FNBP1: variants seen among roughly 807,000 people sequenced by gnomAD.
FNBP1 encodes formin-binding protein 1.
In FNBP1, 26 loss-of-function variants were observed where a neutral mutation model predicts 90.6. That is an observed-to-expected ratio of 0.29 (90% confidence interval 0.21 to 0.40). The LOEUF (loss-of-function observed/expected upper bound fraction) is 0.40, where lower values mean the gene tolerates loss of function less well. Ranked by LOEUF, FNBP1 falls within the 10% of genes least tolerant of loss-of-function variation. The pLI is 1.00. For missense variants in FNBP1, 635 were observed against 768.0 expected (o/e 0.83, Z 2.05); for synonymous variants, 260 against 265.2 (o/e 0.98, Z 0.19).
intron 1 of FNBP1, among the ~76,000 whole-genome samples, chr9:130,020,578 T>G (rs145773830): frequency 2.7e-3 from 407 of 152,238 alleles, no homozygotes; most frequent in African/African-American, 9.4e-3. Context: ...TACCATAACT[T>G]TAAAGCCACT....
chr9:129,996,494 C>A (rs921931568), intron 1 of FNBP1, among the ~76,000 whole-genome samples: 1 of 152,144 alleles, frequency 6.6e-6, no homozygotes, highest in Non-Finnish European at 1.5e-5. Context: ...TTCACAGAGA[C>A]AGGCCCCCAA....
rs143338278 is a variant in FNBP1 at position 129,960,003 on chromosome 9, T to C, written c.346-1450A>G. ...CATTGTCACATGTATCAGTACTCCA[T>C]TCTTTTTTATTGCCAAATGATTATT... On this transcript the variant is annotated intron_variant, in intron 4 of 16. Transcript: ENST00000446176. Among the ~76,000 whole-genome samples the C allele has an allele frequency of 3.2e-3, 487 of 152,286 alleles. 4 individuals carry two copies. The highest frequency in any genetic ancestry group is 0.011 in the African/African-American group (476 of 41,520).
At chr9:130,046,604 A>AC (rs2060061584), upstream of FNBP1, among the ~76,000 whole-genome samples, 4 of 113,336 alleles carry the variant, frequency 3.5e-5, no homozygotes, top group African/African-American at 9.5e-5. Flanking sequence ...AAAAAAAAAA[A>AC]CACCAAAAAA....
chr9:129,888,973 TC>T lies in FNBP1; in HGVS notation c.*1565del. On this transcript the variant is annotated 3_prime_UTR_variant, in exon 17 of 17. Coordinates refer to ENST00000446176, the MANE Select transcript of FNBP1 (RefSeq NM_015033.3). The stretch of plus-strand genomic sequence containing the variant: ...CAAAGAATAAAGCTGCCCGACGTCA[TC>T]CCCAGGCTTCCGTGGCGCTCTCGGT... 1 of 184,870 alleles carries T rather than the reference TC, an allele frequency of 5.4e-6. No individual in the cohort carries two copies. The allele number at this position is 184,870 out of a possible 1,614,324, so 11.5% of individuals were successfully genotyped here. A position where few individuals can be genotyped will look rare whatever the true frequency, so the allele number is the denominator to read the frequency against.
At chr9:129,892,538 A>G (rs10988538) in intron 16 of FNBP1, among the ~76,000 whole-genome samples, 1,693 of 152,332 alleles carry the variant, frequency 0.011, 18 homozygotes, top group Non-Finnish European at 0.017. Flanking sequence ...CAAGTTGGAC[A>G]GAGTTATAAA....
chr9:130,025,614 C>T (rs1589342295), intron 1 of FNBP1, among the ~76,000 whole-genome samples: 1 of 152,172 alleles, frequency 6.6e-6, no homozygotes, highest in East Asian at 1.9e-4. Context: ...CATTCAGTCT[C>T]GACATGGAAT....
Position 129,890,527 on chromosome 9 carries a change from A to G in FNBP1, c.*12T>C, listed in dbSNP as rs773264134. On this transcript the variant is annotated 3_prime_UTR_variant, in exon 17 of 17. Coordinates refer to ENST00000446176, the MANE Select transcript of FNBP1 (RefSeq NM_015033.3). This position sits in a 1 kb window ranked among gnomAD's most constrained non-coding sequence, Gnocchi z 5.8. ...CCAGGAAGGCTCACCCGAGGCTCGCAGGCACTCCCCTCTAGGAATCTACAA... is the reference window on the plus strand; with the variant it reads ...CCAGGAAGGCTCACCCGAGGCTCGCGGGCACTCCCCTCTAGGAATCTACAA... 1.2e-4 allele frequency: 187 copies of G among 1,585,136 alleles called. 1 individual carries two copies. Among genetic ancestry groups the G allele is most frequent in the South Asian group, 5.1e-4 (44 of 86,448 alleles).
At chr9:129,984,993 G>A (rs763724687) in intron 2 of FNBP1, among the ~76,000 whole-genome samples, 2 of 152,036 alleles carry the variant, frequency 1.3e-5, no homozygotes, top group Non-Finnish European at 2.9e-5. Flanking sequence ...TACAATTAGG[G>A]CAATCTTTGA....
intron 16 of FNBP1, among the ~76,000 whole-genome samples, chr9:129,893,453 A>AC (rs1169964345): frequency 6.7e-6 from 1 of 149,536 alleles, no homozygotes; most frequent in African/African-American, 2.5e-5. Context: ...AAAAAAAAAA[A>AC]AATACAAAGA....
intron 1 of FNBP1, among the ~76,000 whole-genome samples, chr9:130,013,405 AT>A (rs2056867021): frequency 6.6e-6 from 1 of 152,204 alleles, no homozygotes; most frequent in Non-Finnish European, 1.5e-5. Context: ...TAAAACCACA[AT>A]GAAATACCAT....
At chr9:129,893,887 T>G (rs2035385507) in intron 16 of FNBP1, among the ~76,000 whole-genome samples, 1 of 135,374 alleles carries the variant, frequency 7.4e-6, no homozygotes, top group Non-Finnish European at 1.5e-5. Context: ...CCGCACTCCA[T>G]CCTGGCGACA....
chr9:129,944,297 CT>C (rs2044841558), intron 6 of FNBP1, among the ~76,000 whole-genome samples: 1 of 151,646 alleles, frequency 6.6e-6, no homozygotes. Flanking sequence ...AATCCCAGCA[CT>C]TTGGGAGGCT....
chr9:129,903,898 G>T (rs144459987), intron 12 of FNBP1, among the ~76,000 whole-genome samples: 6 of 152,116 alleles, frequency 3.9e-5, no homozygotes, highest in Non-Finnish European at 7.4e-5. Context: ...TTAGCCAGGC[G>T]TGATGGCATG....
chr9:129,896,643 A>AT (rs1475956015), intron 15 of FNBP1, among the ~76,000 whole-genome samples: 48 of 146,982 alleles, frequency 3.3e-4, no homozygotes, highest in African/African-American at 9.9e-4. Context: ...CAGCCTCCCA[A>AT]TTTTTTTGTT....
chr9:130,028,900 G>A (rs1005434230), intron 1 of FNBP1, among the ~76,000 whole-genome samples: 13 of 152,054 alleles, frequency 8.5e-5, no homozygotes, highest in Admixed American at 5.2e-4. Context: ...GGCTATCGAC[G>A]CAATATTAGA....
At chr9:129,950,897 G>A (rs1030550740) in intron 6 of FNBP1, among the ~76,000 whole-genome samples, 1 of 151,314 alleles carries the variant, frequency 6.6e-6, no homozygotes, top group African/African-American at 2.4e-5. Flanking sequence ...GAGCTCAAGC[G>A]ATCCTCCCAC....
At chr9:130,046,986 A>G (rs1283037848), upstream of FNBP1, among the ~76,000 whole-genome samples, 1 of 152,106 alleles carries the variant, frequency 6.6e-6, no homozygotes, top group East Asian at 1.9e-4. Flanking sequence ...GTCAAAAAAG[A>G]CAGATCACAT....
chr9:129,950,390 A>G (rs1298914764), intron 6 of FNBP1, among the ~76,000 whole-genome samples: 1 of 152,250 alleles, frequency 6.6e-6, no homozygotes, highest in Non-Finnish European at 1.5e-5. Context: ...CTCCCAGTGT[A>G]AGAAAAAGTA....
At chr9:129,990,393 C>T (rs892701157) in intron 2 of FNBP1, among the ~76,000 whole-genome samples, 1 of 152,058 alleles carries the variant, frequency 6.6e-6, no homozygotes, top group Non-Finnish European at 1.5e-5. Context: ...AGGGAGTCAG[C>T]CACTTGGAGC....
Sources: allele counts gnomAD v4.1 joint callset (sites outside exome capture counted in the v4.1 genomes callset), GRCh38; gene constraint gnomAD v4.1.1; non-coding constraint Gnocchi (gnomAD v3.1); transcripts MANE v1.5; gene names NCBI Gene and HGNC (gene_info 2026-07-23, HGNC 2026-07-21).